Variants in KPNA2 observed in about 807,000 individuals in gnomAD.
KPNA2 encodes the protein karyopherin subunit alpha 2.
A neutral mutation model predicts 53.7 loss-of-function variants in KPNA2; 20 were observed. The ratio of observed to expected loss-of-function variants is 0.37; its 90% CI spans 0.26 to 0.54. The LOEUF is 0.54. Among genes scored for constraint, KPNA2 ranks in the 20% least tolerant of loss-of-function variants. KPNA2 has a pLI of 0.83. For missense variants in KPNA2, 515 were observed against 640.3 expected, an observed-to-expected ratio of 0.80 and a Z score of 2.11; for synonymous variants, 238 against 227.5, an observed-to-expected ratio of 1.05 and a Z score of -0.42.
intron 3 of KPNA2, among the ~76,000 whole-genome samples, chr17:68,040,169 C>G (rs900157228): frequency 6.6e-6 from 1 of 151,844 alleles, no homozygotes; most frequent in Non-Finnish European, 1.5e-5. Context: ...GTGATTGAGA[C>G]TAACGTAGAA....
chr17:68,037,890 A>G (rs1350723000), intron 3 of KPNA2, among the ~76,000 whole-genome samples: 1 of 149,708 alleles, frequency 6.7e-6, no homozygotes. Flanking sequence ...CCTCTGCCTC[A>G]TGGGTTCAAG....
intron 10 of KPNA2, among the ~76,000 whole-genome samples, chr17:68,046,241 G>C (rs181397918): frequency 2.6e-5 from 4 of 152,232 alleles, no homozygotes; most frequent in African/African-American, 9.6e-5. Flanking sequence ...CATGCTCTGG[G>C]CCTAATACAG....
At chr17:68,042,751 G>A (rs1248685737) in intron 5 of KPNA2, among the ~76,000 whole-genome samples, 154 bp from the exon 6 acceptor site, 4 of 151,926 alleles carry the variant, frequency 2.6e-5, no homozygotes, top group African/African-American at 7.2e-5. Context: ...GCGTGGCGGC[G>A]GGCGCCTGAG....
intron 3 of KPNA2, among the ~76,000 whole-genome samples, chr17:68,039,781 C>CA (rs1172346493): frequency 1.5e-4 from 19 of 123,698 alleles, no homozygotes; most frequent in East Asian, 2.4e-4. Flanking sequence ...ACTCTGTCTC[C>CA]AAAAAAAAAA....
chr17:68,037,298 C>A (rs782156330), intron 2 of KPNA2, 60 bp from the exon 3 acceptor site: 4 of 1,580,736 alleles, frequency 2.5e-6, no homozygotes, highest in Middle Eastern at 1.7e-4. Flanking sequence ...AAAAAAAATG[C>A]CCTCACTTAG....
chr17:68,037,354 C>A lies in KPNA2; in HGVS notation c.76-4C>A. ...GGTGAAACGGCATGTTATCTTTTCT[C>A]AAGGAAATGAGGCGTCGCAGAATAG... On this transcript the variant is annotated splice_region_variant and splice_polypyrimidine_tract_variant and intron_variant, in intron 2 of 10. Coordinates refer to ENST00000330459, the MANE Select transcript of KPNA2 (RefSeq NM_002266.4). 1.2e-6 allele frequency: 2 copies of A among 1,609,936 alleles called. No individual in the cohort carries two copies. Among genetic ancestry groups the A allele is most frequent in the Non-Finnish European group, 1.7e-6 (2 of 1,178,834 alleles).
At position 68,044,404 on chromosome 17, in the gene KPNA2, T is replaced by C. The variant is rs2071304332; in HGVS notation, c.1248T>C (p.Leu416=). Residue 416 remains leucine (L), a synonymous_variant, in exon 9 of 11, where the codon CTT becomes CTC. Coordinates refer to ENST00000330459, the MANE Select transcript of KPNA2 (RefSeq NM_002266.4). Reference sequence around the variant, plus strand: ...GAACAGTTGAACAGATTGTGTACCTTGTTCACTGTGGCATAATAGAACCGT... The same window carrying C: ...GAACAGTTGAACAGATTGTGTACCTCGTTCACTGTGGCATAATAGAACCGT... The part of the protein sequence containing the change: ...SGGTVEQIVY[L]VHCGIIEPLM... The C allele has an allele frequency of 6.2e-7, 1 of 1,613,824 alleles. No individual in the cohort carries two copies. The highest frequency in any genetic ancestry group is 8.5e-7 in the Non-Finnish European group (1 of 1,179,650).
Position 68,045,912 on chromosome 17 carries a change from C to T in KPNA2, c.1488C>T (p.Phe496=). The T allele has an allele frequency of 1.1e-5, 17 of 1,585,610 alleles. No individual in the cohort carries two copies. Among genetic ancestry groups the T allele is most frequent in the Non-Finnish European group, 1.4e-5 (16 of 1,165,326 alleles). ...CGTTAAGCTTAATTGAGAAGTATTT[C>T]TCTGTAGAGGTGAGTAATGGATGGT... ...KASLSLIEKY[F]SVEEEEDQNV... is the part of the protein sequence containing the mutation. Residue 496 remains phenylalanine (F), a synonymous_variant, in exon 10 of 11, where the codon TTC becomes TTT. Coordinates refer to ENST00000330459, the MANE Select transcript of KPNA2 (RefSeq NM_002266.4).
At chr17:68,045,979 G>A in intron 10 of KPNA2, 58 bp downstream of exon 10, 2 of 1,169,004 alleles carry the variant, frequency 1.7e-6, no homozygotes, top group African/African-American at 1.5e-5. Flanking sequence ...AAGGCCATAA[G>A]CCTTTTTTTC....
chr17:68,040,834 T>C, intron 4 of KPNA2, 68 bp downstream of exon 4: 5 of 668,842 alleles, frequency 7.5e-6, no homozygotes, highest in Non-Finnish European at 1.3e-5. Context: ...TTTTGGGGGG[T>C]GGGGCAGGAA....
intron 8 of KPNA2, 45 bp from the exon 9 acceptor site, chr17:68,044,276 T>C (rs782272179): frequency 2.6e-6 from 4 of 1,538,236 alleles, no homozygotes; most frequent in African/African-American, 2.8e-5. Context: ...GGAATCTTAT[T>C]TGTGCAACTG....
At chr17:68,045,636 A>G (rs1256054768) in intron 9 of KPNA2, 136 bp from the exon 10 acceptor site, 3 of 655,092 alleles carry the variant, frequency 4.6e-6, no homozygotes, top group Admixed American at 2.8e-5. Context: ...TGGACATAAA[A>G]CTATGATAGG....
At chr17:68,045,090 T>TAAAAAAAAA in intron 9 of KPNA2, among the ~76,000 whole-genome samples, 1 of 130,390 alleles carries the variant, frequency 7.7e-6, no homozygotes, top group Non-Finnish European at 1.6e-5. Context: ...GAAACTGTCT[T>TAAAAAAAAA]AAAAAAAAAA....
At chr17:68,042,059 T>C (rs782635428) in intron 4 of KPNA2, 26 bp from the exon 5 acceptor site, 37 of 1,584,486 alleles carry the variant, frequency 2.3e-5, no homozygotes, top group Non-Finnish European at 2.9e-5. Context: ...CTGTCAACTT[T>C]TATTTCTCTT....
rs781901107 is a variant in KPNA2, at chr17:68,040,659, A to T, written c.214-19A>T. 6.5e-7 allele frequency: 1 copy of T among 1,539,384 alleles called. No individual in the cohort carries two copies. The highest frequency in any genetic ancestry group is 1.7e-5 in the Admixed American group (1 of 59,004). ...ATTTAATCTTAATGATAATGTGCAA[A>T]CTTTCACTTTTCTTCTAGGGCACTG... On this transcript the variant is annotated intron_variant, in intron 3 of 10. Coordinates refer to ENST00000330459, the MANE Select transcript of KPNA2 (RefSeq NM_002266.4).
At position 68,037,168 on chromosome 17, in the gene KPNA2, C is replaced by T. The variant is rs1555703864; in HGVS notation, c.36C>T (p.Ala12=). The part of the protein sequence containing the change: ...STNENANTPA[A]RLHRFKNKGK... ...ACGAGAATGCTAATACACCAGCTGC[C>T]CGTCTTCACAGATTCAAGAACAAGG... The change falls in exon 2 of 11, where the codon GCC becomes GCT. Residue 12 remains alanine, a synonymous_variant. Coordinates refer to ENST00000330459, the MANE Select transcript of KPNA2 (RefSeq NM_002266.4). The T allele has an allele frequency of 4.3e-6, 7 of 1,613,320 alleles. No homozygotes were observed. Among genetic ancestry groups the T allele is most frequent in the East Asian group, 2.2e-5 (1 of 44,872 alleles).
chr17:68,041,680 CG>C (rs2071262154), intron 4 of KPNA2, among the ~76,000 whole-genome samples: 1 of 152,126 alleles, frequency 6.6e-6, no homozygotes, highest in African/African-American at 2.4e-5. Context: ...GAGCTGTGAT[CG>C]TGGCACTGCA....
rs2071223573 is a variant in KPNA2 at position 68,039,141 on chromosome 17, GACAA to G, written c.214-1535_214-1532del. Among the ~76,000 whole-genome samples the G allele has an allele frequency of 4.6e-5, 7 of 150,952 alleles. No homozygotes were observed. In the Middle Eastern group the frequency reaches 0.01, roughly 220 times the overall value. ...ATGCTTCCTTTTTTTTTTGTTTTGAGACAAAACCTTGGTTTGTTGCCCAGGCTGG... is the reference window on the plus strand; with the variant it reads ...ATGCTTCCTTTTTTTTTTGTTTTGAGAACCTTGGTTTGTTGCCCAGGCTGG... On this transcript the variant is annotated intron_variant, in intron 3 of 10. Transcript: ENST00000330459.
chr17:68,042,158 T>C lies in KPNA2; in HGVS notation c.376T>C (p.Ser126Pro). Residue 126 changes from serine to proline, a missense_variant, in exon 5 of 11, where the codon TCC (serine) becomes CCC (proline). Ser to Pro is a moderately conservative substitution (Grantham distance 74, BLOSUM62 -1). Coordinates refer to ENST00000330459, the MANE Select transcript of KPNA2 (RefSeq NM_002266.4). ...GGCTGGTTTGATTCCGAAATTTGTG[T>C]CCTTCTTGGGCAGAACTGATTGTAG... ...IRAGLIPKFV[S>P]FLGRTDCSPI... 6.2e-7 allele frequency: 1 copy of C among 1,614,030 alleles called. No individual in the cohort carries two copies. The highest frequency in any genetic ancestry group is 8.5e-7 in the Non-Finnish European group (1 of 1,179,870).
Sources: gnomAD v4.1 joint callset for allele counts (sites outside exome capture counted in the v4.1 genomes callset) on GRCh38, gnomAD v4.1.1 for gene constraint, MANE v1.5 for transcripts, NCBI Gene and HGNC (gene_info 2026-07-23, HGNC 2026-07-21) for gene names.